Variants in ZNF704 observed in about 807,000 individuals in gnomAD.
The protein encoded by ZNF704 is zinc finger protein 704.
In ZNF704, 10 loss-of-function variants were observed where a neutral mutation model predicts 44.7. The ratio of observed to expected loss-of-function variants is 0.22; its 90% CI spans 0.14 to 0.38. The LOEUF (loss-of-function observed/expected upper bound fraction) is 0.38, where lower values mean the gene tolerates loss of function less well. Ranked by LOEUF, ZNF704 falls within the 10% of genes least tolerant of loss-of-function variation. The probability of loss-of-function intolerance (pLI) is 1.00; values close to 1 mark genes in which losing one functional copy is unlikely to be tolerated. For synonymous variants in ZNF704, 211 were observed against 207.6 expected, an observed-to-expected ratio of 1.02 and a Z score of -0.14; for missense variants, 390 against 545.5, an observed-to-expected ratio of 0.71 and a Z score of 2.84.
In ZNF704 at chr8:80,824,195, C is replaced by T. The variant is rs150624247; in HGVS notation, c.-21-2580G>A. 9.1e-3 allele frequency among the ~76,000 whole-genome samples: 1,388 copies of T among 152,004 alleles called. 19 individuals carry two copies. The highest frequency in any genetic ancestry group is 0.031 in the African/African-American group (1,276 of 41,474). On this transcript the variant is annotated intron_variant, in intron 1 of 8. Transcript: ENST00000327835. ...AAACCTTGAAAAAAGATTAGACGAA[C>T]GGCTAACTAGAATAAACAGTGTAAA...
chr8:80,752,982 G>A (rs1256714711), intron 2 of ZNF704, among the ~76,000 whole-genome samples: 3 of 152,206 alleles, frequency 2.0e-5, no homozygotes, highest in Non-Finnish European at 4.4e-5. Context: ...AAGCTGGCTG[G>A]TAGACAGTAG....
At chr8:80,653,019 C>G (rs1358453823) in intron 7 of ZNF704, among the ~76,000 whole-genome samples, 1 of 152,174 alleles carries the variant, frequency 6.6e-6, no homozygotes, top group Non-Finnish European at 1.5e-5. Context: ...TCAACATACA[C>G]AAATCAATAA....
intron 1 of ZNF704, among the ~76,000 whole-genome samples, chr8:80,850,678 A>G (rs1448976920): frequency 6.6e-6 from 1 of 151,994 alleles, no homozygotes; most frequent in African/African-American, 2.4e-5. Flanking sequence ...CTCTAATATC[A>G]TTTACTCCAA....
At chr8:80,715,035 C>A (rs1321740215) in intron 2 of ZNF704, among the ~76,000 whole-genome samples, 1 of 152,034 alleles carries the variant, frequency 6.6e-6, no homozygotes, top group Admixed American at 6.6e-5. Context: ...CTGCAAAAAC[C>A]AAAACTCTGA....
At chr8:80,709,885 G>A (rs559416952) in intron 2 of ZNF704, among the ~76,000 whole-genome samples, 27 of 152,268 alleles carry the variant, frequency 1.8e-4, no homozygotes, top group Admixed American at 7.8e-4. Flanking sequence ...TAGCAGCTTC[G>A]CTTGTAAGAT....
At chr8:80,747,954 A>T (rs1032322026) in intron 2 of ZNF704, among the ~76,000 whole-genome samples, 3 of 152,170 alleles carry the variant, frequency 2.0e-5, no homozygotes, top group Non-Finnish European at 2.9e-5. Context: ...TGACCTCGTG[A>T]TCTGCCCACC....
chr8:80,812,275 G>A (rs1203482020), intron 2 of ZNF704: 1 of 161,860 alleles, frequency 6.2e-6, no homozygotes, highest in East Asian at 1.8e-4. Flanking sequence ...ATATTCTTTG[G>A]GTATTTTTTC....
At chr8:80,796,602 G>A (rs1807804834) in intron 2 of ZNF704, among the ~76,000 whole-genome samples, 1 of 152,116 alleles carries the variant, frequency 6.6e-6, no homozygotes, top group African/African-American at 2.4e-5. Context: ...CTGGTTCCAG[G>A]ATCAACTCAA....
chr8:80,781,410 T>C (rs1226645255), intron 2 of ZNF704, among the ~76,000 whole-genome samples: 1 of 152,226 alleles, frequency 6.6e-6, no homozygotes. Context: ...AATATTTTAT[T>C]TATGCATACT....
At position 80,821,631 on chromosome 8, in the gene ZNF704, CAG is replaced by C. The variant is rs1491465473; in HGVS notation, c.-21-18_-21-17del. The C allele has an allele frequency of 1.3e-5, 21 of 1,597,928 alleles. No homozygotes were observed. The African/African-American group carries it at 2.6e-4, about 19-fold the overall frequency. ...TGCTCCCCACCTGTGAAATGAAACACAGAAATTCTTACTCACATAAAACATCA... is the reference window on the plus strand; with the variant it reads ...TGCTCCCCACCTGTGAAATGAAACACAAATTCTTACTCACATAAAACATCA... On this transcript the variant is annotated splice_polypyrimidine_tract_variant and intron_variant, in intron 1 of 8. Coordinates refer to ENST00000327835, the MANE Select transcript of ZNF704 (RefSeq NM_001033723.3).
intron 1 of ZNF704, among the ~76,000 whole-genome samples, chr8:80,858,431 T>C (rs201270142): frequency 6.6e-6 from 1 of 152,180 alleles, no homozygotes. Context: ...CAATGGTTTA[T>C]TTAGAAGAAT....
chr8:80,698,810 C>T (rs1358888575), intron 2 of ZNF704, among the ~76,000 whole-genome samples: 1 of 152,150 alleles, frequency 6.6e-6, no homozygotes, highest in Non-Finnish European at 1.5e-5. Context: ...TGCCCTTGAG[C>T]GCTCAGCTAT....
upstream of ZNF704, among the ~76,000 whole-genome samples, chr8:80,876,530 A>T (rs993131006): frequency 6.6e-6 from 1 of 152,122 alleles, no homozygotes; most frequent in Non-Finnish European, 1.5e-5. Flanking sequence ...GAGGAGGACA[A>T]AGGTGTGAGG....
chr8:80,858,773 T>C (rs1809010428), intron 1 of ZNF704, among the ~76,000 whole-genome samples: 1 of 152,190 alleles, frequency 6.6e-6, no homozygotes, highest in African/African-American at 2.4e-5. Flanking sequence ...CTAGTTAAAT[T>C]TTTATTATTG....
At chr8:80,830,583 T>C (rs1392371243) in intron 1 of ZNF704, among the ~76,000 whole-genome samples, 2 of 151,942 alleles carry the variant, frequency 1.3e-5, no homozygotes, top group East Asian at 1.9e-4. Flanking sequence ...CTTAAAATTA[T>C]TGAATTGTAT....
At chr8:80,863,666 C>T (rs1809106811) in intron 1 of ZNF704, among the ~76,000 whole-genome samples, 1 of 152,106 alleles carries the variant, frequency 6.6e-6, no homozygotes, top group African/African-American at 2.4e-5. Flanking sequence ...TTACAATGCA[C>T]TAAATATTGG....
chr8:80,833,189 T>C (rs1808498077), intron 1 of ZNF704, among the ~76,000 whole-genome samples: 5 of 152,048 alleles, frequency 3.3e-5, no homozygotes, highest in Admixed American at 3.3e-4. Flanking sequence ...CTACTAAAAA[T>C]ACGAAAACAA....
At chr8:80,823,414 A>C (rs1039297439) in intron 1 of ZNF704, among the ~76,000 whole-genome samples, 2 of 152,162 alleles carry the variant, frequency 1.3e-5, no homozygotes, top group Non-Finnish European at 2.9e-5. Flanking sequence ...GGTAAGCACA[A>C]CGGCTGGGAA....
At chr8:80,871,870 TGA>T (rs1809258409) in intron 1 of ZNF704, among the ~76,000 whole-genome samples, 2 of 152,182 alleles carry the variant, frequency 1.3e-5, no homozygotes, top group African/African-American at 2.4e-5. Flanking sequence ...TGTGGGCAAA[TGA>T]GAGTGTTATA....
Sources: allele counts gnomAD v4.1 joint callset (sites outside exome capture counted in the v4.1 genomes callset), GRCh38; gene constraint gnomAD v4.1.1; transcripts MANE v1.5; gene names NCBI Gene and HGNC (gene_info 2026-07-23, HGNC 2026-07-21).